The following IFT88 variants were observed in gnomAD, a reference collection of about 807,000 sequenced individuals.
IFT88 encodes the protein intraflagellar transport protein 88 homolog.
A neutral mutation model predicts 119.5 loss-of-function variants in IFT88; 74 were observed. The observed-to-expected ratio is 0.62, with a 90% CI of 0.51 to 0.75. IFT88 has a LOEUF of 0.75. Ranked by LOEUF, IFT88 falls within the 30% of genes least tolerant of loss-of-function variation. The pLI is 0.00. For synonymous variants in IFT88, 279 were observed against 316.7 expected (o/e 0.88, Z 1.26); for missense variants, 961 against 977.7 (o/e 0.98, Z 0.23).
chr13:20,672,234 C>G (rs2056004682), intron 24 of IFT88, among the ~76,000 whole-genome samples: 1 of 152,174 alleles, frequency 6.6e-6, no homozygotes, highest in Non-Finnish European at 1.5e-5. Flanking sequence ...TAGGCAGTTA[C>G]AGCCATCAGT....
intron 15 of IFT88, among the ~76,000 whole-genome samples, chr13:20,627,442 T>C (rs1057064267): frequency 2.0e-5 from 3 of 151,856 alleles, no homozygotes; most frequent in Admixed American, 2.0e-4. Context: ...TTAGAAAGGG[T>C]TAAGAGGCCG....
chr13:20,647,441 G>T (rs1027955727), intron 20 of IFT88, among the ~76,000 whole-genome samples: 1 of 151,954 alleles, frequency 6.6e-6, no homozygotes, highest in Non-Finnish European at 1.5e-5. Flanking sequence ...TGTCAACTTG[G>T]CATATAGTTG....
chr13:20,688,807 G>A (rs2141316154), intron 24 of IFT88, among the ~76,000 whole-genome samples: 1 of 152,268 alleles, frequency 6.6e-6, no homozygotes, highest in Non-Finnish European at 1.5e-5. Context: ...GCTCATTGCA[G>A]CATTGGACTT....
intron 3 of IFT88, among the ~76,000 whole-genome samples, chr13:20,585,858 T>C (rs1414549619): frequency 2.0e-5 from 3 of 152,242 alleles, no homozygotes; most frequent in South Asian, 4.1e-4. Context: ...AATTTTGAAG[T>C]TACCTTCATT....
At position 20,644,827 on chromosome 13, in the gene IFT88, C is replaced by T; in HGVS notation, c.1834-16C>T. 1.9e-6 allele frequency: 2 copies of T among 1,076,646 alleles called. No homozygotes were observed. Among genetic ancestry groups the T allele is most frequent in the African/African-American group, 1.6e-5 (1 of 63,928 alleles). 66.7% of individuals were successfully genotyped at this position (1,076,646 alleles called of 1,614,324 possible). On this transcript the variant is annotated splice_polypyrimidine_tract_variant and intron_variant, in intron 19 of 25. Coordinates refer to ENST00000351808, the MANE Select transcript of IFT88 (RefSeq NM_006531.5). ...CCATTGAAGTTGTATTGTTACATTC[C>T]ATATTTGTTTTACAGTCATATAGGT...
At chr13:20,576,405 C>T (rs2037392063) in intron 2 of IFT88, among the ~76,000 whole-genome samples, 2 of 152,050 alleles carry the variant, frequency 1.3e-5, no homozygotes, top group South Asian at 4.1e-4. Context: ...CTTTGATTGC[C>T]TGTGCTTGTG....
intron 18 of IFT88, chr13:20,642,862 A>G (rs753928805): frequency 6.6e-6 from 1 of 152,094 alleles, no homozygotes; most frequent in Non-Finnish European, 1.5e-5. Flanking sequence ...ACCATTGAAA[A>G]CAATGCTTCT....
At chr13:20,626,349 C>T (rs748490921) in intron 15 of IFT88, among the ~76,000 whole-genome samples, 2 of 152,014 alleles carry the variant, frequency 1.3e-5, no homozygotes, top group Non-Finnish European at 1.5e-5. Context: ...TGTGAGCCAC[C>T]GCGCCCAGCT....
intron 16 of IFT88, among the ~76,000 whole-genome samples, chr13:20,633,341 G>A (rs769866672): frequency 6.6e-6 from 1 of 152,064 alleles, no homozygotes; most frequent in Non-Finnish European, 1.5e-5. Flanking sequence ...GAGAGGGTGG[G>A]CCTTTGTACC....
chr13:20,690,778 A>T lies in IFT88; in HGVS notation c.2316A>T (p.Thr772=). 1 of 1,613,790 alleles carries T rather than the reference A, an allele frequency of 6.2e-7. No individual in the cohort carries two copies. The highest frequency in any genetic ancestry group is 8.5e-7 in the Non-Finnish European group (1 of 1,179,668). ...CCAGACTCAGAGCTTTACCTGGGAC[A>T]AATGAACCTTATGAAAGTAGCAGTA... ...LSARLRALPG[T]NEPYESSSNK... The change falls in exon 25 of 26, where the codon ACA becomes ACT. Residue 772 remains threonine, a synonymous_variant. Transcript: ENST00000351808.
intron 13 of IFT88, chr13:20,608,188 C>T (rs775745332): frequency 3.7e-5 from 11 of 296,042 alleles, no homozygotes; most frequent in African/African-American, 8.9e-5. Flanking sequence ...TGTTCTGCGA[C>T]GGCTTCCCCT....
chr13:20,580,630 A>C (rs564831565), intron 2 of IFT88, among the ~76,000 whole-genome samples: 1 of 152,172 alleles, frequency 6.6e-6, no homozygotes, highest in Admixed American at 6.5e-5. Flanking sequence ...AAATTTATGC[A>C]TAAATAATTT....
chr13:20,623,039 A>G (rs576690721), intron 14 of IFT88, among the ~76,000 whole-genome samples: 8 of 152,178 alleles, frequency 5.3e-5, no homozygotes, highest in Non-Finnish European at 1.0e-4. Context: ...TTACTTATGC[A>G]TAGTTTTCCT....
intron 24 of IFT88, among the ~76,000 whole-genome samples, chr13:20,686,713 TAC>T (rs2057952222): frequency 2.0e-5 from 3 of 152,322 alleles, no homozygotes; most frequent in South Asian, 4.1e-4. Flanking sequence ...ATCTTCCCTG[TAC>T]AGTTATTTTT....
chr13:20,652,800 G>C (rs1014032870), intron 20 of IFT88, among the ~76,000 whole-genome samples: 1 of 152,160 alleles, frequency 6.6e-6, no homozygotes, highest in African/African-American at 2.4e-5. Flanking sequence ...TGTTAGGAGA[G>C]CATATGGAAC....
chr13:20,675,285 T>C (rs988885123), intron 24 of IFT88, among the ~76,000 whole-genome samples: 1 of 152,088 alleles, frequency 6.6e-6, no homozygotes, highest in Non-Finnish European at 1.5e-5. Context: ...GTGCTGTCAC[T>C]TCTCTAAGGA....
At position 20,598,223 on chromosome 13, in the gene IFT88, A is replaced by C. The variant is rs1229187932; in HGVS notation, c.595-428A>C. Among the ~76,000 whole-genome samples the C allele has an allele frequency of 2.0e-5, 3 of 152,164 alleles. No homozygotes were observed. The East Asian group carries it at 5.8e-4, about 29-fold the overall frequency. On this transcript the variant is annotated intron_variant, in intron 9 of 25. Transcript: ENST00000351808. Reference sequence around the variant, plus strand: ...TAGGAACATAATTTACTATAAATTAATTACTTAAATTGTAATTTAGTATAT... The same window carrying C: ...TAGGAACATAATTTACTATAAATTACTTACTTAAATTGTAATTTAGTATAT...
intron 1 of IFT88, among the ~76,000 whole-genome samples, chr13:20,573,373 G>A (rs1186194506): frequency 2.0e-5 from 3 of 152,054 alleles, no homozygotes; most frequent in East Asian, 1.9e-4. Flanking sequence ...GCCAAATGGA[G>A]CGCCTGTCCA....
intron 23 of IFT88, among the ~76,000 whole-genome samples, chr13:20,668,311 G>T (rs941501166): frequency 6.6e-6 from 1 of 152,168 alleles, no homozygotes; most frequent in African/African-American, 2.4e-5. Flanking sequence ...GAGCTCTGTT[G>T]TGTGAATGGT....
Sources: allele counts gnomAD v4.1 joint callset (sites outside exome capture counted in the v4.1 genomes callset), GRCh38; gene constraint gnomAD v4.1.1; transcripts MANE v1.5; gene names NCBI Gene and HGNC (gene_info 2026-07-23, HGNC 2026-07-21).